The following ZDHHC11B variants were observed in gnomAD, a reference collection of about 807,000 sequenced individuals.
ZDHHC11B encodes the protein zDHHC palmitoyltransferase 11B (putative).
Under a neutral mutation model 42.3 loss-of-function variants are expected in ZDHHC11B, and 17 were observed. The observed-to-expected ratio is 0.40, with a 90% CI of 0.27 to 0.60. The LOEUF (loss-of-function observed/expected upper bound fraction) is 0.60, where lower values mean the gene tolerates loss of function less well. ZDHHC11B is among the 20% of genes least tolerant of loss of function. The pLI is 0.41. For missense variants in ZDHHC11B, 262 were observed against 463.2 expected (o/e 0.57, Z 3.99); for synonymous variants, 123 against 193.5 (o/e 0.64, Z 3.02).
In ZDHHC11B at chr5:711,546, C is replaced by G. The variant is rs1741373933; in HGVS notation, c.*744G>C. 1 of 153,026 alleles carries G rather than the reference C, an allele frequency of 6.5e-6. No homozygotes were observed. The highest frequency in any genetic ancestry group is 6.7e-5 in the Admixed American group (1 of 14,850). 9.5% of individuals were successfully genotyped at this position (153,026 alleles called of 1,614,324 possible). A position where few individuals can be genotyped will look rare whatever the true frequency, so the allele number is the denominator to read the frequency against. Reference sequence around the variant, plus strand: ...AGTACTGTGCTCCCATTTCCCAAAACTGTGCTCTCATTTCCTAGCACTGTG... The same window carrying G: ...AGTACTGTGCTCCCATTTCCCAAAAGTGTGCTCTCATTTCCTAGCACTGTG... On this transcript the variant is annotated 3_prime_UTR_variant, in exon 14 of 14. Coordinates refer to ENST00000508859, the MANE Select transcript of ZDHHC11B (RefSeq NM_001351303.2).
chr5:776,628 C>G (rs1285922431), intron 1 of ZDHHC11B, among the ~76,000 whole-genome samples: 6 of 151,882 alleles, frequency 4.0e-5, no homozygotes, highest in Non-Finnish European at 8.8e-5. Context: ...AAGACCACAG[C>G]GACCCGAAGC....
At chr5:741,353 TGTTA>T (rs1361351789) in intron 10 of ZDHHC11B, among the ~76,000 whole-genome samples, 2 of 149,058 alleles carry the variant, frequency 1.3e-5, no homozygotes, top group Non-Finnish European at 3.0e-5. Flanking sequence ...TTAGTTTAGA[TGTTA>T]GTTATGAAGA....
chr5:775,604 G>A (rs1465630604), intron 1 of ZDHHC11B, among the ~76,000 whole-genome samples: 2 of 151,858 alleles, frequency 1.3e-5, no homozygotes, highest in East Asian at 1.9e-4. Flanking sequence ...GCCGATGCTC[G>A]TGCCCTGGAG....
In ZDHHC11B at chr5:749,422, C is replaced by G. The variant is rs1361045010; in HGVS notation, c.629-863G>C. Among the ~76,000 whole-genome samples the G allele has an allele frequency of 1.5e-5, 2 of 130,130 alleles. 1 individual carries two copies. The highest frequency in any genetic ancestry group is 3.4e-5 in the Non-Finnish European group (2 of 58,488). 85.4% of individuals were successfully genotyped at this position (130,130 alleles called of 152,430 possible). On this transcript the variant is annotated intron_variant, in intron 7 of 13. Coordinates refer to ENST00000508859, the MANE Select transcript of ZDHHC11B (RefSeq NM_001351303.2). ...AGAGGGTTGGATTCAGTGTGGATGT[C>G]TTTGGGTGACGGACCCTCTCTGGAA...
At chr5:773,378 T>TAGCAGAAGAGACTCCAGGA in intron 1 of ZDHHC11B, among the ~76,000 whole-genome samples, 1 of 151,846 alleles carries the variant, frequency 6.6e-6, no homozygotes, top group Admixed American at 6.6e-5. Flanking sequence ...GAAGGTTGTG[T>TAGCAGAAGAGACTCCAGGA]AGCAGAAGAG....
At chr5:764,796 C>T (rs879936779) in intron 4 of ZDHHC11B, among the ~76,000 whole-genome samples, 1 of 151,954 alleles carries the variant, frequency 6.6e-6, no homozygotes, top group African/African-American at 2.4e-5. Flanking sequence ...GTGTGGGAGC[C>T]ACTAGGTGAA....
chr5:759,058 G>A (rs779275764), intron 4 of ZDHHC11B, among the ~76,000 whole-genome samples: 4 of 151,848 alleles, frequency 2.6e-5, no homozygotes, highest in Non-Finnish European at 4.4e-5. Context: ...ATTTTATGCC[G>A]GTAGTGTTTT....
chr5:764,666 C>T (rs1405675603), intron 4 of ZDHHC11B, among the ~76,000 whole-genome samples: 2 of 151,882 alleles, frequency 1.3e-5, no homozygotes, highest in African/African-American at 2.4e-5. Flanking sequence ...TCCTGCGCAG[C>T]CCGAGCCTCC....
chr5:778,903 G>C (rs531815054), intron 1 of ZDHHC11B, among the ~76,000 whole-genome samples: 1 of 151,824 alleles, frequency 6.6e-6, no homozygotes, highest in Non-Finnish European at 1.5e-5. Context: ...ATGAGATTCA[G>C]CTATGGGGGC....
In ZDHHC11B at chr5:766,599, T is replaced by A. The variant is rs558982198; in HGVS notation, c.222+99A>T. On this transcript the variant is annotated intron_variant, in intron 4 of 13. Coordinates refer to ENST00000508859, the MANE Select transcript of ZDHHC11B (RefSeq NM_001351303.2). ...AGTCTGGCCCAGGACAGGTGACTGG[T>A]GCCACCGGGCAGCCATGGCCCAGAC... 1.8e-4 allele frequency: 234 copies of A among 1,290,916 alleles called. No individual in the cohort carries two copies. The East Asian group carries it at 5.8e-3, about 32-fold the overall frequency. The allele number at this position is 1,290,916 out of a possible 1,614,324, so 80.0% of individuals were successfully genotyped here. A position where few individuals can be genotyped will look rare whatever the true frequency, so the allele number is the denominator to read the frequency against.
chr5:753,891 A>G (rs1361933044), intron 6 of ZDHHC11B, among the ~76,000 whole-genome samples: 64 of 146,084 alleles, frequency 4.4e-4, no homozygotes, highest in African/African-American at 1.5e-3. Context: ...CTTTCAGGTC[A>G]GCACAGAGTA....
intron 8 of ZDHHC11B, among the ~76,000 whole-genome samples, chr5:745,648 G>C (rs1161076441): frequency 2.7e-5 from 4 of 150,130 alleles, no homozygotes; most frequent in African/African-American, 9.8e-5. Flanking sequence ...CAGCCTGAGA[G>C]GTTGCTCCAG....
rs1274094041 is a variant in ZDHHC11B at position 751,946 on chromosome 5, G to A, written c.504-689C>T. On this transcript the variant is annotated intron_variant, in intron 6 of 13. Transcript: ENST00000508859. Reference sequence around the variant, plus strand: ...TGAGGTCAGAGATGCGGTGCGACTCGCCCAAGCCTACCAGCGGAGCATGAG... The same window carrying A: ...TGAGGTCAGAGATGCGGTGCGACTCACCCAAGCCTACCAGCGGAGCATGAG... 5.0e-4 allele frequency among the ~76,000 whole-genome samples: 60 copies of A among 119,618 alleles called. 1 individual carries two copies. Among genetic ancestry groups the A allele is most frequent in the African/African-American group, 1.5e-3 (58 of 37,658 alleles). 78.5% of individuals were successfully genotyped at this position (119,618 alleles called of 152,430 possible). A position where few individuals can be genotyped will look rare whatever the true frequency, so the allele number is the denominator to read the frequency against.
At chr5:732,403 G>C (rs1356607974) in intron 11 of ZDHHC11B, 1 of 301,848 alleles carries the variant, frequency 3.3e-6, no homozygotes, top group Admixed American at 4.1e-5. Context: ...AGGTGTCAAC[G>C]TGGACAATCG....
intron 1 of ZDHHC11B, among the ~76,000 whole-genome samples, chr5:776,819 T>C (rs1736537474): frequency 6.6e-6 from 1 of 151,734 alleles, no homozygotes; most frequent in African/African-American, 2.4e-5. Context: ...CATTCCTTAT[T>C]TCAGAGCCCA....
At chr5:724,438 C>G (rs1307973067) in intron 12 of ZDHHC11B, among the ~76,000 whole-genome samples, 1 of 131,700 alleles carries the variant, frequency 7.6e-6, no homozygotes, top group Non-Finnish European at 1.6e-5. Context: ...TGCAGTGGCA[C>G]AATCTCGGCT....
chr5:719,141 C>T (rs1379791453), intron 12 of ZDHHC11B, among the ~76,000 whole-genome samples: 1 of 151,796 alleles, frequency 6.6e-6, no homozygotes, highest in Non-Finnish European at 1.5e-5. Context: ...TTGGAAAGGG[C>T]ACAAACTGAT....
At chr5:772,826 G>A (rs1220806104) in intron 1 of ZDHHC11B, among the ~76,000 whole-genome samples, 2 of 151,786 alleles carry the variant, frequency 1.3e-5, no homozygotes, top group East Asian at 1.9e-4. Flanking sequence ...GTGCTGAGGG[G>A]TCTCACGTGG....
rs140437972 is a variant in ZDHHC11B at position 777,551 on chromosome 5, G to A, written c.-230+7117C>T. On this transcript the variant is annotated intron_variant, in intron 1 of 13. Transcript: ENST00000508859. ...GCGGAGAAGAGAATGGAGTCAGGTT[G>A]CGGCAGGGCGTTCCGGCTACCCGCT... 5.5e-4 allele frequency among the ~76,000 whole-genome samples: 83 copies of A among 151,990 alleles called. 1 individual carries two copies. The highest frequency in any genetic ancestry group is 1.6e-3 in the African/African-American group (67 of 41,436).
Sources: gnomAD v4.1 joint callset for allele counts (sites outside exome capture counted in the v4.1 genomes callset) on GRCh38, gnomAD v4.1.1 for gene constraint, MANE v1.5 for transcripts, NCBI Gene and HGNC (gene_info 2026-07-23, HGNC 2026-07-21) for gene names.